MMADHC: variants seen among roughly 807,000 people sequenced by gnomAD.
MMADHC encodes the protein metabolism of cobalamin associated D.
Under a neutral mutation model 36.3 loss-of-function variants are expected in MMADHC, and 23 were observed. The ratio of observed to expected loss-of-function variants is 0.63; its 90% CI spans 0.46 to 0.90. MMADHC has a LOEUF of 0.90. MMADHC is among the 40% of genes least tolerant of loss of function. The probability of loss-of-function intolerance (pLI) is 0.00; values close to 1 mark genes in which losing one functional copy is unlikely to be tolerated. For missense variants in MMADHC, 330 were observed against 348.0 expected (o/e 0.95, Z 0.41); for synonymous variants, 97 against 116.1 (o/e 0.84, Z 1.06).
rs1294724580 is a variant in MMADHC, at chr2:149,570,039, C to T, written c.826G>A (p.Val276Ile). Residue 276 changes from valine to isoleucine, a missense_variant, in exon 8 of 8, where the codon GTA becomes ATA. Coordinates refer to ENST00000303319, the MANE Select transcript of MMADHC (RefSeq NM_015702.3). ...RHSLWGTHVV[V>I]GSIFTNATPD... is the part of the protein sequence containing the mutation. ...GTTGCATTAGTGAAGATACTCCCTA[C>T]AACTACATGGGTACCCCAGAGACTA... The T allele has an allele frequency of 1.2e-6, 2 of 1,613,784 alleles. No homozygotes were observed. Among genetic ancestry groups the T allele is most frequent in the Non-Finnish European group, 1.7e-6 (2 of 1,179,758 alleles).
At chr2:149,573,636 A>G (rs771224799) in intron 6 of MMADHC, among the ~76,000 whole-genome samples, 5 of 152,252 alleles carry the variant, frequency 3.3e-5, no homozygotes, top group African/African-American at 1.2e-4. Context: ...AACAATAACC[A>G]TTAAGATAAT....
At chr2:149,570,923 C>G (rs1682629226) in intron 7 of MMADHC, among the ~76,000 whole-genome samples, 162 bp downstream of exon 7, 3 of 152,132 alleles carry the variant, frequency 2.0e-5, no homozygotes, top group Admixed American at 6.5e-5. Flanking sequence ...TGATAGAGGT[C>G]TCTCAAAAGT....
At position 149,569,804 on chromosome 2, in the gene MMADHC, T is replaced by G. The variant is rs1489881191; in HGVS notation, c.*170A>C. The G allele has an allele frequency of 1.6e-5, 10 of 638,600 alleles. No individual in the cohort carries two copies. Among genetic ancestry groups the G allele is most frequent in the Non-Finnish European group, 2.7e-5 (10 of 368,988 alleles). 39.6% of individuals were successfully genotyped at this position (638,600 alleles called of 1,614,324 possible). On this transcript the variant is annotated 3_prime_UTR_variant, in exon 8 of 8. Coordinates refer to ENST00000303319, the MANE Select transcript of MMADHC (RefSeq NM_015702.3). ...ACGTGTATTCAATGATATGAATAAA[T>G]GAACATTTGCAATTTTAAAATCCCA... is the stretch of plus-strand genomic sequence containing the variant.
chr2:149,573,810 A>T (rs150538601), intron 6 of MMADHC, among the ~76,000 whole-genome samples: 24 of 152,302 alleles, frequency 1.6e-4, no homozygotes, highest in African/African-American at 4.8e-4. Flanking sequence ...CACTACAAGG[A>T]GAGCAAAACA....
intron 2 of MMADHC, chr2:149,586,871 T>C (rs1357806155): frequency 1.4e-5 from 8 of 588,418 alleles, no homozygotes; most frequent in Admixed American, 1.2e-4. Flanking sequence ...TCCACATCTG[T>C]ACAAATGAAA....
At chr2:149,570,794 A>G (rs1000538742) in intron 7 of MMADHC, among the ~76,000 whole-genome samples, 3 of 152,190 alleles carry the variant, frequency 2.0e-5, no homozygotes, top group Non-Finnish European at 2.9e-5. Context: ...AATTTTCAAC[A>G]TATAAAATAA....
Position 149,576,524 on chromosome 2 carries a change from C to T in MMADHC, c.391G>A (p.Glu131Lys). The change falls in exon 5 of 8, where the codon GAA becomes AAA. Residue 131 changes from glutamate (E) to lysine (K), a missense_variant. Transcript: ENST00000303319. ...GTTTCTGCACTGTTAATTTCTTGTT[C>T]AACAGGTGCATCATTACCCTAAGGG... ...NEFQGNDAPVEQEINSAETYF... is the reference protein window; with the variant it reads ...NEFQGNDAPVKQEINSAETYF... 1 of 1,612,770 alleles carries T rather than the reference C, an allele frequency of 6.2e-7. No homozygotes were observed. Among genetic ancestry groups the T allele is most frequent in the Non-Finnish European group, 8.5e-7 (1 of 1,178,906 alleles).
At chr2:149,575,388 A>C (rs563296319) in intron 6 of MMADHC, among the ~76,000 whole-genome samples, 1 of 28,664 alleles carries the variant, frequency 3.5e-5, no homozygotes, top group African/African-American at 5.3e-5. Context: ...GGGGAGATGA[A>C]GGGGGAGATG....
chr2:149,570,245 C>G (rs1682619548), intron 7 of MMADHC, 77 bp from the exon 8 acceptor site: 1 of 1,197,842 alleles, frequency 8.3e-7, no homozygotes, highest in Admixed American at 2.0e-5. Context: ...ACATGAACAC[C>G]TATCTACTTT....
chr2:149,575,515 A>G (rs1233512135), intron 6 of MMADHC, among the ~76,000 whole-genome samples, 196 bp downstream of exon 6: 1 of 152,302 alleles, frequency 6.6e-6, no homozygotes, highest in East Asian at 1.9e-4. Flanking sequence ...GGAAAGTAAT[A>G]AACAGAATCT....
chr2:149,582,241 A>C lies in MMADHC; in HGVS notation c.40T>G (p.Tyr14Asp). 6.2e-7 allele frequency: 1 copy of C among 1,613,886 alleles called. No individual in the cohort carries two copies. The highest frequency in any genetic ancestry group is 8.5e-7 in the Non-Finnish European group (1 of 1,179,830). ...ACTAAAGAGCAAAATCCTGGGAGAT[A>C]GGAAACCAGTCTGGCTCTGTTACAA... ...VLCNRARLVS[Y>D]LPGFCSLVKR... Residue 14 changes from tyrosine to aspartate, a missense_variant, in exon 3 of 8, where the codon TAT (tyrosine) becomes GAT (aspartate). Tyr to Asp is a radical substitution (Grantham distance 160). Coordinates refer to ENST00000303319, the MANE Select transcript of MMADHC (RefSeq NM_015702.3).
chr2:149,572,255 C>T (rs1158197806), intron 6 of MMADHC: 1 of 422,668 alleles, frequency 2.4e-6, no homozygotes, highest in Non-Finnish European at 4.7e-6. Flanking sequence ...AGAAGAATTG[C>T]TTGAACCCGG....
At chr2:149,581,308 T>C (rs1682790493) in intron 3 of MMADHC, among the ~76,000 whole-genome samples, 1 of 152,158 alleles carries the variant, frequency 6.6e-6, no homozygotes, top group Non-Finnish European at 1.5e-5. Context: ...TATAAATATA[T>C]GGTTAGTCTT....
At chr2:149,587,238 C>A (rs1314069889) in intron 1 of MMADHC, 89 bp from the exon 2 acceptor site, 15 of 803,126 alleles carry the variant, frequency 1.9e-5, no homozygotes, top group Middle Eastern at 4.4e-4. Flanking sequence ...GAAGGTGTGT[C>A]GTCCACCACG....
chr2:149,579,911 T>C (rs1682772014), intron 3 of MMADHC, among the ~76,000 whole-genome samples: 1 of 152,148 alleles, frequency 6.6e-6, no homozygotes, highest in Admixed American at 6.5e-5. Flanking sequence ...TGAATGTCAT[T>C]AAAAAGAAGA....
Position 149,579,521 on chromosome 2 carries a change from C to T in MMADHC, c.282G>A (p.Leu94=). ...GAACATCAGGCAAAGTTTTATGAAC[C>T]AGGCTTTTCTTCTGTGAAGCAGTCC... ...LNGTASQKKS[L]VHKTLPDVLA... Residue 94 remains leucine (L), a synonymous_variant, in exon 4 of 8, where the codon CTG becomes CTA. Transcript: ENST00000303319. 6.2e-7 allele frequency: 1 copy of T among 1,613,484 alleles called. No individual in the cohort carries two copies. The highest frequency in any genetic ancestry group is 2.2e-5 in the East Asian group (1 of 44,852).
chr2:149,570,452 T>A (rs1682622555), intron 7 of MMADHC, among the ~76,000 whole-genome samples: 1 of 152,164 alleles, frequency 6.6e-6, no homozygotes, highest in South Asian at 2.1e-4. Flanking sequence ...TATTTACAGT[T>A]CACCATCATT....
intron 3 of MMADHC, among the ~76,000 whole-genome samples, chr2:149,580,840 A>C (rs538408323): frequency 4.6e-4 from 70 of 152,322 alleles, no homozygotes; most frequent in Non-Finnish European, 8.5e-4. Flanking sequence ...GATGTACTTA[A>C]GATACATCTG....
At position 149,577,407 on chromosome 2, in the gene MMADHC, AG is replaced by A. The variant is rs1188645057; in HGVS notation, c.373-866del. On this transcript the variant is annotated intron_variant, in intron 4 of 7. Coordinates refer to ENST00000303319, the MANE Select transcript of MMADHC (RefSeq NM_015702.3). ...GTTGTGGCTGGAGTGCAGAGGGAAT[AG>A]GAAGTAGTGGCAGATAAGGTGGGAA... Among the ~76,000 whole-genome samples, 33 of 152,196 alleles carry A rather than the reference AG, an allele frequency of 2.2e-4. 1 individual carries two copies. Among genetic ancestry groups the A allele is most frequent in the Admixed American group, 2.2e-3 (33 of 15,278 alleles).
Sources: gnomAD v4.1 joint callset for allele counts (sites outside exome capture counted in the v4.1 genomes callset) on GRCh38, gnomAD v4.1.1 for gene constraint, MANE v1.5 for transcripts, NCBI Gene and HGNC (gene_info 2026-07-23, HGNC 2026-07-21) for gene names.